The following SLC12A2 variants were observed in gnomAD, a reference collection of about 807,000 sequenced individuals.
SLC12A2 encodes Na-K-2Cl cotransporter 1.
In SLC12A2, 67 loss-of-function variants were observed where a neutral mutation model predicts 136.3. The observed-to-expected ratio is 0.49, with a 90% CI of 0.40 to 0.60. SLC12A2 has a LOEUF of 0.60. Among genes scored for constraint, SLC12A2 ranks in the 20% least tolerant of loss-of-function variants. The pLI is 0.00. For synonymous variants in SLC12A2, 619 were observed against 562.9 expected (o/e 1.10, Z -1.41); for missense variants, 1,322 against 1,534.7 (o/e 0.86, Z 2.32).
chr5:128,106,219 G>A (rs1453726028), intron 1 of SLC12A2, among the ~76,000 whole-genome samples: 1 of 152,082 alleles, frequency 6.6e-6, no homozygotes, highest in African/African-American at 2.4e-5. Context: ...TTATCCATTA[G>A]TGTGGAATAT....
rs112613385 is a variant in SLC12A2, at chr5:128,167,929, T to C, written c.2723+62T>C. 2,239 of 1,014,774 alleles carry C rather than the reference T, an allele frequency of 2.2e-3. 34 individuals are homozygous for C. The African/African-American group carries it at 0.033, about 15-fold the overall frequency. The allele number at this position is 1,014,774 out of a possible 1,614,324, so 62.9% of individuals were successfully genotyped here. On this transcript the variant is annotated intron_variant, in intron 18 of 26. Coordinates refer to ENST00000262461, the MANE Select transcript of SLC12A2 (RefSeq NM_001046.3). ...AGAAAATGTTAATTTTGAAAGCTTG[T>C]CCTAATTTTTGGAGACTGTTTCTCA...
chr5:128,100,258 C>T (rs1215956509), intron 1 of SLC12A2, among the ~76,000 whole-genome samples: 1 of 152,090 alleles, frequency 6.6e-6, no homozygotes, highest in Non-Finnish European at 1.5e-5. Context: ...TAACTCTTGG[C>T]ATTTCTACTT....
intron 1 of SLC12A2, among the ~76,000 whole-genome samples, chr5:128,103,351 A>G (rs952354328): frequency 5.9e-5 from 9 of 152,232 alleles, no homozygotes; most frequent in African/African-American, 7.2e-5. Flanking sequence ...CAAAGCACAC[A>G]TTACTAGTGA....
intron 4 of SLC12A2, among the ~76,000 whole-genome samples, chr5:128,120,468 A>G (rs1274532961): frequency 1.9e-3 from 295 of 152,012 alleles, no homozygotes; most frequent in African/African-American, 6.9e-3. Flanking sequence ...CCAAATGTCC[A>G]ACAATGATAG....
intron 4 of SLC12A2, among the ~76,000 whole-genome samples, chr5:128,124,831 C>A (rs1051503274): frequency 3.9e-5 from 6 of 152,138 alleles, no homozygotes; most frequent in Non-Finnish European, 8.8e-5. Context: ...ACCCTCTAAT[C>A]ACATAGTTGT....
chr5:128,111,072 T>A (rs1231315020), intron 1 of SLC12A2: 12 of 576,252 alleles, frequency 2.1e-5, no homozygotes, highest in Admixed American at 1.1e-4. Context: ...TAAGTATTAA[T>A]TCCATGGACA....
intron 4 of SLC12A2, among the ~76,000 whole-genome samples, chr5:128,125,838 T>A (rs1310150733): frequency 6.6e-6 from 1 of 152,230 alleles, no homozygotes; most frequent in Admixed American, 6.5e-5. Context: ...TAATGTGAGA[T>A]GGAGAGTGTA....
intron 1 of SLC12A2, chr5:128,110,568 G>A (rs1761106886): frequency 1.7e-6 from 2 of 1,191,742 alleles, no homozygotes; most frequent in Non-Finnish European, 2.5e-6. Context: ...ATTTCTTCAA[G>A]CATAAGTATC....
chr5:128,164,362 T>C (rs944937424), intron 17 of SLC12A2, among the ~76,000 whole-genome samples: 8 of 152,210 alleles, frequency 5.3e-5, no homozygotes, highest in African/African-American at 1.9e-4. Flanking sequence ...ATATATTCAC[T>C]GCAGTGGACC....
At chr5:128,161,991 T>A (rs545547125) in intron 17 of SLC12A2, among the ~76,000 whole-genome samples, 191 bp downstream of exon 17, 12 of 152,204 alleles carry the variant, frequency 7.9e-5, no homozygotes, top group Admixed American at 7.9e-4. Context: ...GAAAGTAAAC[T>A]ACTTGGATTT....
chr5:128,115,797 G>A (rs1482267667), intron 4 of SLC12A2, among the ~76,000 whole-genome samples: 1 of 152,128 alleles, frequency 6.6e-6, no homozygotes, highest in Non-Finnish European at 1.5e-5. Flanking sequence ...TTTGGGTGTG[G>A]GAGGGATAGA....
intron 4 of SLC12A2, among the ~76,000 whole-genome samples, chr5:128,115,453 C>A (rs1197376547): frequency 6.6e-6 from 1 of 152,098 alleles, no homozygotes; most frequent in Non-Finnish European, 1.5e-5. Flanking sequence ...ACTTTCAAGT[C>A]TAGCTTTCTG....
Position 128,171,701 on chromosome 5 carries a change from A to T in SLC12A2, c.2758A>T (p.Ile920Phe). 1 of 1,589,568 alleles carries T rather than the reference A, an allele frequency of 6.3e-7. No individual in the cohort carries two copies. The highest frequency in any genetic ancestry group is 8.5e-7 in the Non-Finnish European group (1 of 1,172,514). Residue 920 changes from isoleucine (I) to phenylalanine (F), a missense_variant, in exon 19 of 27, where the codon ATT (isoleucine) becomes TTT (phenylalanine). Physicochemically the swap from Ile to Phe is conservative, Grantham distance 21. This residue lies in a region of SLC12A2 where 226 missense variants were observed against 210.4 expected (regional missense o/e 1.07). Coordinates refer to ENST00000262461, the MANE Select transcript of SLC12A2 (RefSeq NM_001046.3). Reference sequence around the variant, plus strand: ...TGACATACAATATGGAGTAGTGGTTATTCGCCTAAAAGAAGGTCTGGATAT... The same window carrying T: ...TGACATACAATATGGAGTAGTGGTTTTTCGCCTAAAAGAAGGTCTGGATAT... ...AFDIQYGVVV[I>F]RLKEGLDISH... is the part of the protein sequence containing the mutation.
chr5:128,126,181 T>C (rs1388082160), intron 4 of SLC12A2, among the ~76,000 whole-genome samples: 1 of 152,188 alleles, frequency 6.6e-6, no homozygotes, highest in South Asian at 2.1e-4. Flanking sequence ...GCCCAAAAAA[T>C]TGGATTAACA....
At position 128,186,678 on chromosome 5, in the gene SLC12A2, A is replaced by C. The variant is rs757244568; in HGVS notation, c.*47A>C. 5.1e-6 allele frequency: 8 copies of C among 1,579,582 alleles called. No individual in the cohort carries two copies. The African/African-American group carries it at 9.5e-5, about 19-fold the overall frequency. On this transcript the variant is annotated 3_prime_UTR_variant, in exon 27 of 27. Transcript: ENST00000262461. ...CCTCCAGAATGGTACTTCAGTGCCT[A>C]GTGTAGTAACTGAAATCTTCAATGA...
intron 4 of SLC12A2, among the ~76,000 whole-genome samples, chr5:128,125,113 G>T (rs1475090397): frequency 2.0e-5 from 3 of 152,104 alleles, no homozygotes; most frequent in Non-Finnish European, 4.4e-5. Flanking sequence ...TTGTGATCGG[G>T]CTTTATTTTT....
At chr5:128,147,854 A>G (rs1762579470) in intron 11 of SLC12A2, 125 bp downstream of exon 11, 1 of 518,464 alleles carries the variant, frequency 1.9e-6, no homozygotes, top group East Asian at 3.1e-5. Flanking sequence ...TATGATATAT[A>G]TATGCACATA....
chr5:128,150,189 T>TG (rs1762655540), intron 13 of SLC12A2, 91 bp downstream of exon 13: 2 of 785,612 alleles, frequency 2.5e-6, no homozygotes, highest in Non-Finnish European at 4.3e-6. Context: ...ATGTTATGTG[T>TG]GGGGTTAGTT....
chr5:128,130,902 ATTC>A (rs2126696932), intron 4 of SLC12A2, among the ~76,000 whole-genome samples, 162 bp from the exon 5 acceptor site: 1 of 152,288 alleles, frequency 6.6e-6, no homozygotes, highest in South Asian at 2.1e-4. Context: ...TTTGTGAAAT[ATTC>A]TTTTTAGGTA....
Sources: allele counts gnomAD v4.1 joint callset (sites outside exome capture counted in the v4.1 genomes callset), GRCh38; gene constraint gnomAD v4.1.1; regional missense constraint gnomAD v4.1.1; transcripts MANE v1.5; gene names NCBI Gene and HGNC (gene_info 2026-07-23, HGNC 2026-07-21).